SNURF: variants seen among roughly 807,000 people sequenced by gnomAD.
SNURF encodes SNRPN upstream open reading frame, also known as SNURF protein.
In SNURF, 6 loss-of-function variants were observed where a neutral mutation model predicts 11.6. The ratio of observed to expected loss-of-function variants is 0.52; its 90% CI spans 0.28 to 1.02. SNURF has a LOEUF of 1.02. Ranked by LOEUF, SNURF falls within the 50% of genes least tolerant of loss-of-function variation. The pLI is 0.09. For missense variants in SNURF, 84 were observed against 88.4 expected (o/e 0.95, Z 0.20); for synonymous variants, 29 against 31.6 (o/e 0.92, Z 0.27).
downstream of SNURF, chr15:24,978,089 C>G: frequency 2.3e-6 from 3 of 1,294,942 alleles, no homozygotes; most frequent in Non-Finnish European, 3.3e-6. Flanking sequence ...TTATTTGACT[C>G]TATCATTGTT....
At chr15:24,977,485 C>T (rs1361315490) in intron 6 of SNURF, among the ~76,000 whole-genome samples, 3 of 152,034 alleles carry the variant, frequency 2.0e-5, no homozygotes, top group Non-Finnish European at 2.9e-5. Flanking sequence ...ACTAAAAATA[C>T]AAAAATCAGC....
chr15:24,977,699 A>G (rs1226147839), intron 6 of SNURF: 1 of 1,360,568 alleles, frequency 7.3e-7, no homozygotes, highest in Non-Finnish European at 9.9e-7. Flanking sequence ...CTAATTGGTC[A>G]TTTTTCTCAT....
At chr15:24,968,730 CT>C (rs1244104279), downstream of SNURF, 1 of 151,934 alleles carries the variant, frequency 6.6e-6, no homozygotes, top group African/African-American at 2.4e-5. Flanking sequence ...TTACTAATTC[CT>C]TTTTGTTTTG....
chr15:24,955,538 G>T (rs1263214218), intron 1 of SNURF, among the ~76,000 whole-genome samples: 1 of 150,676 alleles, frequency 6.6e-6, no homozygotes, highest in Non-Finnish European at 1.5e-5. Context: ...TATTTAGGGG[G>T]TGTTGAGCGC....
intron 6 of SNURF, among the ~76,000 whole-genome samples, chr15:24,977,513 G>A (rs1020044865): frequency 3.4e-4 from 52 of 152,040 alleles, no homozygotes; most frequent in African/African-American, 1.2e-3. Context: ...GGTGGTGGGT[G>A]CCTGTAATCC....
At chr15:24,977,959 G>A (rs1163985070), downstream of SNURF, 2 of 1,499,438 alleles carry the variant, frequency 1.3e-6, no homozygotes, top group Non-Finnish European at 1.8e-6. Flanking sequence ...AATCTCTGAT[G>A]AGAGATAGCT....
Position 24,956,433 on chromosome 15 carries a change from G to A in SNURF, c.14+1371G>A, listed in dbSNP as rs766876210. ...GTGTGTGTTCAGCTTCTGCTGTTTC[G>A]GAGTTTCAGCCGTACCCTCTTTAGG... is the stretch of plus-strand genomic sequence containing the variant. On this transcript the variant is annotated intron_variant, in intron 1 of 2. Coordinates refer to ENST00000577949, the Ensembl canonical transcript of SNURF. Among the ~76,000 whole-genome samples the A allele has an allele frequency of 2.3e-4, 35 of 151,934 alleles. 1 individual carries two copies. Among genetic ancestry groups the A allele is most frequent in the Non-Finnish European group, 4.9e-4 (33 of 68,000 alleles).
At chr15:24,962,062 T>C (rs2074922621) in intron 1 of SNURF, 52 bp from the exon 2 acceptor site, 3 of 1,383,060 alleles carry the variant, frequency 2.2e-6, no homozygotes, top group Non-Finnish European at 2.1e-6. Context: ...CAAATAGTTA[T>C]TTCATAGATT....
chr15:24,954,990 G>C (rs1299952105), exon 1 of SNURF: 7 of 1,609,274 alleles, frequency 4.3e-6, no homozygotes, highest in Non-Finnish European at 5.9e-6. Context: ...GTCTGGCGCA[G>C]AGTGGAGCGG....
At chr15:24,963,749 A>G (rs1360469133) in intron 2 of SNURF, among the ~76,000 whole-genome samples, 1 of 152,040 alleles carries the variant, frequency 6.6e-6, no homozygotes, top group Non-Finnish European at 1.5e-5. Context: ...TTTATATGTG[A>G]AAAGTTGAGC....
chr15:24,965,747 GAATTA>G (rs1349955831), intron 2 of SNURF, among the ~76,000 whole-genome samples: 4 of 152,198 alleles, frequency 2.6e-5, no homozygotes, highest in African/African-American at 9.6e-5. Flanking sequence ...TGCACTCTAT[GAATTA>G]AATTCTGTGT....
chr15:24,968,002 C>T lies in SNURF; in HGVS notation c.181C>T (p.Gln61Ter). The T allele has an allele frequency of 6.2e-7, 1 of 1,614,022 alleles. No individual in the cohort carries two copies. The highest frequency in any genetic ancestry group is 8.5e-7 in the Non-Finnish European group (1 of 1,179,996). Reference sequence around the variant, plus strand: ...GGTGGATTTCCAGGCTGAACTGAGGCAGGCATTCTTAGCTGAGACACCAAG... The same window carrying T: ...GGTGGATTTCCAGGCTGAACTGAGGTAGGCATTCTTAGCTGAGACACCAAG... The change falls in exon 3 of 3, where the codon CAG becomes TAG. Residue 61 changes from glutamine to a stop codon, truncating the protein, a stop_gained. Transcript: ENST00000577949. LOFTEE classifies it high-confidence loss of function.
intron 1 of SNURF, among the ~76,000 whole-genome samples, chr15:24,961,034 T>C (rs148247407): frequency 2.6e-5 from 4 of 152,342 alleles, no homozygotes; most frequent in African/African-American, 9.6e-5. Context: ...TTTTTCCTAT[T>C]CTGGTTATCC....
At chr15:24,964,589 C>T (rs1417625815) in intron 2 of SNURF, among the ~76,000 whole-genome samples, 8 of 152,090 alleles carry the variant, frequency 5.3e-5, no homozygotes, top group East Asian at 1.9e-4. Flanking sequence ...TGAGCCACTG[C>T]GCCCAGCCTC....
exon 3 of SNURF, chr15:24,968,196 T>C (rs559617773): frequency 3.0e-6 from 2 of 676,606 alleles, no homozygotes; most frequent in South Asian, 1.7e-5. Context: ...CTTCATACAA[T>C]AAACACATTG....
intron 1 of SNURF, among the ~76,000 whole-genome samples, chr15:24,961,720 A>C (rs2074855305): frequency 6.6e-6 from 1 of 152,128 alleles, no homozygotes; most frequent in African/African-American, 2.4e-5. Flanking sequence ...GTATCCTAAA[A>C]ATATTTTTTG....
At chr15:24,955,848 A>G (rs997483836) in intron 1 of SNURF, among the ~76,000 whole-genome samples, 3 of 150,626 alleles carry the variant, frequency 2.0e-5, no homozygotes, top group Non-Finnish European at 4.4e-5. Flanking sequence ...TGGGCATGGC[A>G]TGGAGGCGGT....
chr15:24,971,229 G>A (rs950929219), downstream of SNURF, among the ~76,000 whole-genome samples: 10 of 152,172 alleles, frequency 6.6e-5, no homozygotes, highest in Non-Finnish European at 1.2e-4. Flanking sequence ...TGTGCCCTTT[G>A]ATCTCAGAAG....
In SNURF at chr15:24,975,545, G is replaced by C. The variant is rs143713470; in HGVS notation, c.*197+36G>C. On this transcript the variant is annotated intron_variant and NMD_transcript_variant, in intron 4 of 6. Coordinates refer to the SNURF transcript ENST00000580062. ...TTTGGGCAAATGGGGGTTGGACACAGAGGCAGTGGGAAGGGAAGGCCAGAG... is the reference window on the plus strand; with the variant it reads ...TTTGGGCAAATGGGGGTTGGACACACAGGCAGTGGGAAGGGAAGGCCAGAG... 755 of 1,587,992 alleles carry C rather than the reference G, an allele frequency of 4.8e-4. 2 individuals are homozygous for C. The African/African-American group carries it at 8.9e-3, about 19-fold the overall frequency.
Sources: gnomAD v4.1 joint callset for allele counts (sites outside exome capture counted in the v4.1 genomes callset) on GRCh38, gnomAD v4.1.1 for gene constraint, MANE v1.5 for transcripts, NCBI Gene and HGNC (gene_info 2026-07-23, HGNC 2026-07-21) for gene names.